The following GPR33 variants were observed in gnomAD, a reference collection of about 807,000 sequenced individuals.
GPR33 encodes the protein G protein-coupled receptor 33.
A neutral mutation model predicts 3.1 loss-of-function variants in GPR33; 4 were observed. That is an observed-to-expected ratio of 1.29 (90% confidence interval 0.64 to 2.96). The LOEUF is 2.96. Among genes scored for constraint, GPR33 ranks in the 30% most tolerant of loss-of-function variants. The pLI is 0.01. For synonymous variants in GPR33, 138 were observed against 142.0 expected, an observed-to-expected ratio of 0.97 and a Z score of 0.20; for missense variants, 390 against 388.9, an observed-to-expected ratio of 1.00 and a Z score of -0.02.
In GPR33 at chr14:31,483,888, A is replaced by G. The variant is rs1177908820; in HGVS notation, c.78T>C (p.Pro26=). ...LVRNSTQFLA[P]ASKMIIALSL... is the part of the protein sequence containing the mutation. ...AAAGGGCAATAATCATTTTTGATGC[A>G]GGAGCTAGAAACTGAGTGCTGTTTC... The change falls in exon 2 of 2, where the codon CCT becomes CCC. Residue 26 remains proline, a synonymous_variant. Coordinates refer to ENST00000399285, the MANE Select transcript of GPR33 (RefSeq NM_001197184.3). The G allele has an allele frequency of 6.5e-7, 1 of 1,536,054 alleles. No homozygotes were observed. The highest frequency in any genetic ancestry group is 2.0e-5 in the Admixed American group (1 of 50,998).
intron 1 of GPR33, among the ~76,000 whole-genome samples, chr14:31,487,127 A>G (rs917491350): frequency 5.3e-5 from 8 of 152,170 alleles, no homozygotes; most frequent in Non-Finnish European, 1.2e-4. Flanking sequence ...TGAGCTCTAG[A>G]AGGACATCTG....
intron 1 of GPR33, among the ~76,000 whole-genome samples, chr14:31,487,442 T>G (rs543901155): frequency 5.4e-5 from 7 of 130,790 alleles, no homozygotes; most frequent in South Asian, 2.8e-4. Context: ...GTTTTTTTTT[T>G]TTTTTTTTTT....
In GPR33 at chr14:31,483,153, C is replaced by G. The variant is rs750501934; in HGVS notation, c.813G>C (p.Thr271=). ...TCAACTCTAAAAGTAGTGACTGGTT[C>G]GTAGTGAGAAGTAAGCCCTGGTGTA... is the stretch of plus-strand genomic sequence containing the variant. The part of the protein sequence containing the change: ...YHIHQGLLLT[T]NQSLLLELTL... Residue 271 remains threonine, a synonymous_variant, in exon 2 of 2, where the codon ACG becomes ACC. Transcript: ENST00000399285. The G allele has an allele frequency of 6.5e-7, 1 of 1,535,970 alleles. No individual in the cohort carries two copies. The highest frequency in any genetic ancestry group is 8.7e-7 in the Non-Finnish European group (1 of 1,146,850).
In GPR33 at chr14:31,482,899, A is replaced by G. The variant is rs747470696; in HGVS notation, c.*65T>C. On this transcript the variant is annotated 3_prime_UTR_variant, in exon 2 of 2. Transcript: ENST00000399285. ...CATACAAAAGCAGAAGGTATATCCT[A>G]TTGGTATAATTGACCAAGTGCGTGT... The G allele has an allele frequency of 7.7e-6, 10 of 1,303,886 alleles. No individual in the cohort carries two copies. The highest frequency in any genetic ancestry group is 8.2e-6 in the Non-Finnish European group (8 of 975,512). The allele number at this position is 1,303,886 out of a possible 1,614,324, so 80.8% of individuals were successfully genotyped here.
intron 1 of GPR33, among the ~76,000 whole-genome samples, chr14:31,484,495 A>G (rs1465716672): frequency 6.6e-6 from 1 of 152,134 alleles, no homozygotes; most frequent in Non-Finnish European, 1.5e-5. Flanking sequence ...TATGTTGCCC[A>G]GCCTGGTCTT....
chr14:31,486,110 T>C (rs532833528), intron 1 of GPR33, among the ~76,000 whole-genome samples: 1 of 152,324 alleles, frequency 6.6e-6, no homozygotes, highest in African/African-American at 2.4e-5. Context: ...TTTTTGTTTA[T>C]TTTTTAGAGA....
chr14:31,487,687 C>T (rs2032435498), intron 1 of GPR33, among the ~76,000 whole-genome samples: 1 of 152,112 alleles, frequency 6.6e-6, no homozygotes, highest in Admixed American at 6.6e-5. Flanking sequence ...ATCTGCCCGC[C>T]TCAGCCTCCC....
intron 1 of GPR33, among the ~76,000 whole-genome samples, chr14:31,484,172 C>A (rs1010350181): frequency 4.6e-5 from 7 of 151,942 alleles, no homozygotes; most frequent in Admixed American, 3.9e-4. Context: ...GAATTAAGAT[C>A]AGATGAATCT....
intron 1 of GPR33, among the ~76,000 whole-genome samples, chr14:31,485,831 G>A (rs2139380298): frequency 6.6e-6 from 1 of 152,122 alleles, no homozygotes. Flanking sequence ...TTCATATGTA[G>A]TGTTTTTAAT....
intron 1 of GPR33, among the ~76,000 whole-genome samples, chr14:31,485,583 G>A (rs554664690): frequency 4.0e-5 from 6 of 148,670 alleles, no homozygotes; most frequent in Admixed American, 2.7e-4. Flanking sequence ...GCAGTGAGCC[G>A]AACCGAGATG....
At chr14:31,485,042 TCTC>T (rs1195366613) in intron 1 of GPR33, among the ~76,000 whole-genome samples, 1 of 151,954 alleles carries the variant, frequency 6.6e-6, no homozygotes, top group Non-Finnish European at 1.5e-5. Context: ...TTCAAGCTAT[TCTC>T]CTGTCTCAGC....
chr14:31,483,715 A>G lies in GPR33; in HGVS notation c.251T>C (p.Met84Thr), dbSNP rs542282670. The G allele has an allele frequency of 6.5e-6, 10 of 1,536,064 alleles. No homozygotes were observed. The highest frequency in any genetic ancestry group is 2.4e-5 in the East Asian group (1 of 40,932). The change falls in exon 2 of 2, where the codon ATG (methionine) becomes ACG (threonine). Residue 84 changes from methionine (M) to threonine (T), a missense_variant. Met to Thr is a moderately conservative substitution (Grantham distance 81). Coordinates refer to ENST00000399285, the MANE Select transcript of GPR33 (RefSeq NM_001197184.3). ...YFISTMILPF[M>T]ATSQLQDNHW... is the part of the protein sequence containing the mutation. ...ATTGTCTTGAAGTTGGGAGGTGGCC[A>G]TAAATGGCAGAATCATTGTTGAAAT...
At chr14:31,484,576 C>T (rs979129259) in intron 1 of GPR33, among the ~76,000 whole-genome samples, 8 of 152,118 alleles carry the variant, frequency 5.3e-5, no homozygotes, top group South Asian at 2.1e-4. Flanking sequence ...TGAGGCACTG[C>T]GTGTGGCCAA....
In GPR33 at chr14:31,483,448, C is replaced by T. The variant is rs907984137; in HGVS notation, c.518G>A (p.Arg173His). ...YLIFRETHHDRKGKVTCQNNY... is the reference protein window; with the variant it reads ...YLIFRETHHDHKGKVTCQNNY... ...ATTTTGGCAAGTCACCTTTCCTTTACGGTCATGATGTGTCTCTCTGAAAAT... is the reference window on the plus strand; with the variant it reads ...ATTTTGGCAAGTCACCTTTCCTTTATGGTCATGATGTGTCTCTCTGAAAAT... The change falls in exon 2 of 2, where the codon CGT becomes CAT. Residue 173 changes from arginine to histidine, a missense_variant. Coordinates refer to ENST00000399285, the MANE Select transcript of GPR33 (RefSeq NM_001197184.3). The T allele has an allele frequency of 7.0e-5, 108 of 1,536,024 alleles. No individual in the cohort carries two copies. The highest frequency in any genetic ancestry group is 1.7e-4 in the Middle Eastern group (1 of 6,012).
chr14:31,483,930 A>G lies in GPR33; in HGVS notation c.36T>C (p.Asn12=). 6.5e-7 allele frequency: 1 copy of G among 1,535,750 alleles called. No individual in the cohort carries two copies. Among genetic ancestry groups the G allele is most frequent in the Non-Finnish European group, 8.7e-7 (1 of 1,146,772 alleles). The part of the protein sequence containing the change: ...DLINSTDYLI[N]ASTLVRNSTQ... ...TGCTGTTTCTTACTAAAGTAGAGGC[A>G]TTGATCAGGTAATCAGTAGAGTTGA... is the stretch of plus-strand genomic sequence containing the variant. Residue 12 remains asparagine (N), a synonymous_variant, in exon 2 of 2, where the codon AAT becomes AAC. Transcript: ENST00000399285.
Position 31,483,458 on chromosome 14 carries a change from G to A in GPR33, c.508C>T (p.His170Tyr), listed in dbSNP as rs769045694. 9.8e-6 allele frequency: 15 copies of A among 1,536,036 alleles called. No individual in the cohort carries two copies. The highest frequency in any genetic ancestry group is 2.4e-5 in the East Asian group (1 of 40,932). The change falls in exon 2 of 2, where the codon CAT becomes TAT. Residue 170 changes from histidine to tyrosine, a missense_variant. Physicochemically the swap from His to Tyr is moderately conservative, Grantham distance 83. Coordinates refer to ENST00000399285, the MANE Select transcript of GPR33 (RefSeq NM_001197184.3). ...SIPYLIFRET[H>Y]HDRKGKVTCQ... ...GTCACCTTTCCTTTACGGTCATGATGTGTCTCTCTGAAAATCAAATAGGGG... is the reference window on the plus strand; with the variant it reads ...GTCACCTTTCCTTTACGGTCATGATATGTCTCTCTGAAAATCAAATAGGGG...
At chr14:31,484,095 G>C in intron 1 of GPR33, 124 bp from the exon 2 acceptor site, 1 of 721,454 alleles carries the variant, frequency 1.4e-6, no homozygotes, top group Non-Finnish European at 2.2e-6. Flanking sequence ...TATTTTAACA[G>C]CAGTAAGCAA....
chr14:31,483,574 A>C lies in GPR33; in HGVS notation c.392T>G (p.Leu131Arg), dbSNP rs2032385631. ...AIGLDRYLLT[L>R]HPVWSQQHRT... ...GTGCTGCTGGGACCACACTGGGTGA[A>C]GAGTGAGAAGGTAACGATCAAGACC... Residue 131 changes from leucine to arginine, a missense_variant, in exon 2 of 2, where the codon CTT becomes CGT. Transcript: ENST00000399285. 6.5e-7 allele frequency: 1 copy of C among 1,536,060 alleles called. No homozygotes were observed. Among genetic ancestry groups the C allele is most frequent in the South Asian group, 1.2e-5 (1 of 84,058 alleles).
At position 31,483,978 on chromosome 14, in the gene GPR33, A is replaced by T. The variant is rs2032391946; in HGVS notation, c.-6-7T>A. The T allele has an allele frequency of 6.8e-7, 1 of 1,479,048 alleles. No individual in the cohort carries two copies. The highest frequency in any genetic ancestry group is 8.9e-7 in the Non-Finnish European group (1 of 1,122,512). The allele number at this position is 1,479,048 out of a possible 1,614,324, so 91.6% of individuals were successfully genotyped here. A position where few individuals can be genotyped will look rare whatever the true frequency, so the allele number is the denominator to read the frequency against. On this transcript the variant is annotated splice_polypyrimidine_tract_variant and splice_region_variant and intron_variant, in intron 1 of 1. Transcript: ENST00000399285. ...TGATCAGATCCATAATGACCTGTGG[A>T]GTGAGAAACAGTGAAAATAACAACA... is the stretch of plus-strand genomic sequence containing the variant.
Sources: gnomAD v4.1 joint callset for allele counts (sites outside exome capture counted in the v4.1 genomes callset) on GRCh38, gnomAD v4.1.1 for gene constraint, MANE v1.5 for transcripts, NCBI Gene and HGNC (gene_info 2026-07-23, HGNC 2026-07-21) for gene names.